The following RAB3B variants were observed in gnomAD, a reference collection of about 807,000 sequenced individuals.
RAB3B encodes the protein RAB3B, member RAS oncogene family, also known as ras-related protein Rab-3B.
Under a neutral mutation model 20.5 loss-of-function variants are expected in RAB3B, and 11 were observed. The ratio of observed to expected loss-of-function variants is 0.54; its 90% CI spans 0.34 to 0.89. The LOEUF (loss-of-function observed/expected upper bound fraction) is 0.89, where lower values mean the gene tolerates loss of function less well. RAB3B is among the 40% of genes least tolerant of loss of function. The pLI, the probability that RAB3B is intolerant of heterozygous loss-of-function variation, is 0.02. For missense variants in RAB3B, 225 were observed against 280.9 expected (o/e 0.80, Z 1.42); for synonymous variants, 99 against 106.3 (o/e 0.93, Z 0.42).
At chr1:51,920,188 A>G (rs1243485392) in intron 4 of RAB3B, 74 bp from the exon 5 acceptor site, 2 of 1,355,338 alleles carry the variant, frequency 1.5e-6, no homozygotes, top group South Asian at 1.4e-5. Context: ...CCTCAGCCCA[A>G]GCACTCTGGA....
At chr1:51,989,208 TTGTGTGTGTGTGTGTGTG>T (rs60661761) in intron 1 of RAB3B, among the ~76,000 whole-genome samples, 40 of 99,870 alleles carry the variant, frequency 4.0e-4, no homozygotes, top group Middle Eastern at 5.1e-3. Flanking sequence ...CCATCTTGTT[TTGTGTGTGTGTGTGTGTG>T]TGTGTGTGTG....
intron 4 of RAB3B, among the ~76,000 whole-genome samples, chr1:51,925,287 C>G (rs56120803): frequency 0.033 from 5,090 of 152,294 alleles, 118 homozygotes; most frequent in Middle Eastern, 0.12. Flanking sequence ...CTCAGTGGGA[C>G]TCACTGTCTT....
chr1:51,954,909 C>T (rs771913335), intron 2 of RAB3B, among the ~76,000 whole-genome samples: 2 of 152,194 alleles, frequency 1.3e-5, no homozygotes, highest in Non-Finnish European at 2.9e-5. Context: ...GTAGCTAGAT[C>T]ACGGAGGTCT....
Position 51,919,874 on chromosome 1 carries a change from A to G in RAB3B, c.*53T>C, listed in dbSNP as rs1212550591. 4 of 1,537,602 alleles carry G rather than the reference A, an allele frequency of 2.6e-6. No homozygotes were observed. Among genetic ancestry groups the G allele is most frequent in the Non-Finnish European group, 3.5e-6 (4 of 1,128,058 alleles). ...GAGCGGACAGTGTGTAACAGGGAGA[A>G]GCAGACTGGGTGTGGGGCCACAATG... On this transcript the variant is annotated 3_prime_UTR_variant, in exon 5 of 5. Coordinates refer to ENST00000371655, the MANE Select transcript of RAB3B (RefSeq NM_002867.4).
Position 51,977,014 on chromosome 1 carries a change from T to C in RAB3B, c.104A>G (p.Lys35Arg), listed in dbSNP as rs771068048. ...LLIIGNSSVG[K>R]TSFLFRYADD... ...AGCATAGCGGAAGAGGAAGGAGGTCTTGCCAACACTGCTGTTGCCAATGAT... is the reference window on the plus strand; with the variant it reads ...AGCATAGCGGAAGAGGAAGGAGGTCCTGCCAACACTGCTGTTGCCAATGAT... The change falls in exon 2 of 5, where the codon AAG (lysine) becomes AGG (arginine). Residue 35 changes from lysine to arginine, a missense_variant. Transcript: ENST00000371655. 1.2e-6 allele frequency: 2 copies of C among 1,614,228 alleles called. No homozygotes were observed. The highest frequency in any genetic ancestry group is 2.2e-5 in the South Asian group (2 of 91,086).
chr1:51,973,171 A>C (rs1014440845), intron 2 of RAB3B, among the ~76,000 whole-genome samples: 1 of 152,228 alleles, frequency 6.6e-6, no homozygotes, highest in Admixed American at 6.5e-5. Context: ...AGTAAGAAAA[A>C]TGTAGGTACA....
At position 51,935,620 on chromosome 1, in the gene RAB3B, C is replaced by T. The variant is rs76034711; in HGVS notation, c.347+1674G>A. On this transcript the variant is annotated intron_variant, in intron 3 of 4. Coordinates refer to ENST00000371655, the MANE Select transcript of RAB3B (RefSeq NM_002867.4). The stretch of plus-strand genomic sequence containing the variant: ...AATCGTCACCAGGTGTTAAAGTCAC[C>T]GTGTTCCTGAGGCAGAATGAACAGA... 7.2e-3 allele frequency among the ~76,000 whole-genome samples: 1,101 copies of T among 152,154 alleles called. 13 individuals are homozygous for T. The highest frequency in any genetic ancestry group is 0.026 in the African/African-American group (1,065 of 41,502).
chr1:51,932,939 C>T (rs1041724334), intron 4 of RAB3B, among the ~76,000 whole-genome samples: 1 of 152,020 alleles, frequency 6.6e-6, no homozygotes, highest in African/African-American at 2.4e-5. Context: ...TTTCCCTCAC[C>T]CTTGCTTTCC....
At chr1:51,954,665 T>C (rs1018002360) in intron 2 of RAB3B, among the ~76,000 whole-genome samples, 2 of 152,082 alleles carry the variant, frequency 1.3e-5, no homozygotes, top group South Asian at 2.1e-4. Flanking sequence ...TTTTCCATAA[T>C]AAAATAGCTT....
chr1:51,936,451 G>T (rs946447053), intron 3 of RAB3B, among the ~76,000 whole-genome samples: 1 of 152,156 alleles, frequency 6.6e-6, no homozygotes, highest in Admixed American at 6.5e-5. Flanking sequence ...CTCTCCACTG[G>T]AGCTACAGTA....
chr1:51,950,818 C>T (rs935224156), intron 2 of RAB3B, among the ~76,000 whole-genome samples: 3 of 152,126 alleles, frequency 2.0e-5, no homozygotes, highest in East Asian at 1.9e-4. Flanking sequence ...TTCCCCCATG[C>T]GCTACCCTCC....
chr1:51,960,409 G>C (rs879339588), intron 2 of RAB3B, among the ~76,000 whole-genome samples: 8 of 152,174 alleles, frequency 5.3e-5, no homozygotes, highest in Non-Finnish European at 8.8e-5. Context: ...TCAGCACAGA[G>C]CCCCTGCGTC....
At chr1:51,933,219 C>T in intron 4 of RAB3B, 99 bp downstream of exon 4, 2 of 1,308,486 alleles carry the variant, frequency 1.5e-6, no homozygotes, top group Admixed American at 2.1e-5. Context: ...AATCACAACA[C>T]TAATGTCATA....
At chr1:51,932,087 T>C (rs935737662) in intron 4 of RAB3B, among the ~76,000 whole-genome samples, 1 of 152,064 alleles carries the variant, frequency 6.6e-6, no homozygotes, top group Non-Finnish European at 1.5e-5. Flanking sequence ...GCACTTATAG[T>C]TTGCTACAGT....
chr1:51,949,683 A>G (rs1450318991), intron 2 of RAB3B, among the ~76,000 whole-genome samples: 1 of 152,212 alleles, frequency 6.6e-6, no homozygotes, highest in Non-Finnish European at 1.5e-5. Context: ...CAGTGTGCTA[A>G]TTAGCTCTTG....
chr1:51,959,931 G>A (rs902327883), intron 2 of RAB3B, among the ~76,000 whole-genome samples: 3 of 152,156 alleles, frequency 2.0e-5, no homozygotes, highest in African/African-American at 7.2e-5. Context: ...GGTTGGGTTG[G>A]GGGTTTAGAG....
chr1:51,963,795 G>A (rs1233112040), intron 2 of RAB3B, among the ~76,000 whole-genome samples: 2 of 152,112 alleles, frequency 1.3e-5, no homozygotes. Flanking sequence ...TGGGAATGTA[G>A]GTGCACAGTC....
chr1:51,989,101 G>GCA (rs1553232373), intron 1 of RAB3B, among the ~76,000 whole-genome samples: 4 of 24,014 alleles, frequency 1.7e-4, no homozygotes, highest in African/African-American at 3.5e-4. Flanking sequence ...ACCTGTGCGC[G>GCA]CGCACACACA....
intron 2 of RAB3B, among the ~76,000 whole-genome samples, chr1:51,960,378 GC>G (rs771574108): frequency 1.1e-4 from 16 of 152,176 alleles, no homozygotes; most frequent in Non-Finnish European, 2.1e-4. Flanking sequence ...CCTGGGACCT[GC>G]CCTCCCAGCC....
Sources: gnomAD v4.1 joint callset for allele counts (sites outside exome capture counted in the v4.1 genomes callset) on GRCh38, gnomAD v4.1.1 for gene constraint, MANE v1.5 for transcripts, NCBI Gene and HGNC (gene_info 2026-07-23, HGNC 2026-07-21) for gene names.